IQCH: variants seen among roughly 807,000 people sequenced by gnomAD.
IQCH encodes IQ domain-containing protein H.
IQCH carries 98 observed loss-of-function variants against 117.0 expected under a neutral mutation model. That is an observed-to-expected ratio of 0.84 (90% confidence interval 0.71 to 0.99). The LOEUF (loss-of-function observed/expected upper bound fraction) is 0.99, where lower values mean the gene tolerates loss of function less well. Among genes scored for constraint, IQCH ranks in the 50% least tolerant of loss-of-function variants. The pLI is 0.00. For missense variants in IQCH, 1,102 were observed against 1,243.8 expected, an observed-to-expected ratio of 0.89 and a Z score of 1.72; for synonymous variants, 412 against 448.2, an observed-to-expected ratio of 0.92 and a Z score of 1.02.
intron 6 of IQCH, among the ~76,000 whole-genome samples, chr15:67,350,202 T>A (rs1969594234): frequency 1.3e-5 from 2 of 152,128 alleles, no homozygotes; most frequent in African/African-American, 2.4e-5. Flanking sequence ...AGGAACTAAT[T>A]GCTGATACAT....
At chr15:67,452,753 T>G (rs1361049448) in intron 16 of IQCH, among the ~76,000 whole-genome samples, 1 of 152,252 alleles carries the variant, frequency 6.6e-6, no homozygotes. Context: ...CTGTATTTCC[T>G]GAATTTGAAT....
intron 4 of IQCH, among the ~76,000 whole-genome samples, chr15:67,303,455 C>T (rs891068737): frequency 6.6e-6 from 1 of 152,210 alleles, no homozygotes; most frequent in African/African-American, 2.4e-5. Flanking sequence ...TTTTTAAAAT[C>T]ACAAAAGACT....
chr15:67,357,351 T>C lies in IQCH; in HGVS notation c.644T>C (p.Phe215Ser). 1 of 1,605,912 alleles carries C rather than the reference T, an allele frequency of 6.2e-7. No homozygotes were observed. The highest frequency in any genetic ancestry group is 8.5e-7 in the Non-Finnish European group (1 of 1,172,450). Residue 215 changes from phenylalanine to serine, a missense_variant, in exon 7 of 21, where the codon TTC (phenylalanine) becomes TCC (serine). Phe to Ser is a radical substitution (Grantham distance 155). Around this residue, in one of 2 missense-constraint regions of IQCH, gnomAD observed 452 missense variants for 449.6 expected, o/e 1.01. Coordinates refer to ENST00000335894, the MANE Select transcript of IQCH (RefSeq NM_001031715.3). Reference protein sequence around the residue: ...EARKIPTVATFTIPREPPPSP... With the variant: ...EARKIPTVATSTIPREPPPSP... ...GTACTATCTTCATCCACAGCCACTTTCACTATACCTCGGGAACCACCTCCA... is the reference window on the plus strand; with the variant it reads ...GTACTATCTTCATCCACAGCCACTTCCACTATACCTCGGGAACCACCTCCA...
chr15:67,389,490 T>A (rs1299891838), intron 12 of IQCH, among the ~76,000 whole-genome samples: 1 of 152,078 alleles, frequency 6.6e-6, no homozygotes, highest in Admixed American at 6.6e-5. Flanking sequence ...TTTTTTTTTT[T>A]AATTGGGCTG....
At chr15:67,279,246 T>C (rs1966250749) in intron 3 of IQCH, 149 bp from the exon 4 acceptor site, 1 of 557,946 alleles carries the variant, frequency 1.8e-6, no homozygotes, top group Non-Finnish European at 3.2e-6. Flanking sequence ...GTGGCAAAAA[T>C]AATAAAGATT....
rs1172755398 is a variant in IQCH, at chr15:67,401,473, C to G, written c.2097+1168C>G. Among the ~76,000 whole-genome samples the G allele has an allele frequency of 6.6e-6, 1 of 152,176 alleles. No individual in the cohort carries two copies. Among genetic ancestry groups the G allele is most frequent in the African/African-American group, 2.4e-5 (1 of 41,442 alleles). On this transcript the variant is annotated intron_variant, in intron 14 of 20. Transcript: ENST00000335894. This position sits in a 1 kb window ranked among gnomAD's most constrained non-coding sequence, Gnocchi z 4.7. ...GTTCCTTCCCTACCAGCATACATAG[C>G]AGTGGGCTATGCAAAGTGATTTGCG... is the stretch of plus-strand genomic sequence containing the variant.
intron 6 of IQCH, among the ~76,000 whole-genome samples, chr15:67,350,701 C>T (rs1298571633): frequency 1.3e-5 from 2 of 152,164 alleles, no homozygotes; most frequent in Non-Finnish European, 2.9e-5. Context: ...GCTGGGATTA[C>T]AGGTGTGAGC....
intron 15 of IQCH, among the ~76,000 whole-genome samples, chr15:67,420,235 T>A (rs2081696906): frequency 6.6e-6 from 1 of 152,204 alleles, no homozygotes; most frequent in South Asian, 2.1e-4. Flanking sequence ...TTTATAGACA[T>A]TTAAGGAAAG....
chr15:67,292,535 A>T (rs1966787128), intron 4 of IQCH, among the ~76,000 whole-genome samples: 1 of 152,124 alleles, frequency 6.6e-6, no homozygotes, highest in Admixed American at 6.6e-5. Flanking sequence ...TTACAGGGGT[A>T]AGCCAGCTCC....
rs1253486696 is a variant in IQCH at position 67,472,435 on chromosome 15, CTG to C, written c.2677-3257_2677-3256del. ...GAATAGGAGGATGACACAGACCAAC[CTG>C]TGTTAGGGGGAAATGATTAATCCGG... On this transcript the variant is annotated intron_variant, in intron 17 of 20. Coordinates refer to ENST00000335894, the MANE Select transcript of IQCH (RefSeq NM_001031715.3). This position sits in a 1 kb window ranked among gnomAD's most constrained non-coding sequence, Gnocchi z 4.3. 6.6e-6 allele frequency among the ~76,000 whole-genome samples: 1 copy of C among 152,084 alleles called. No individual in the cohort carries two copies. The highest frequency in any genetic ancestry group is 1.5e-5 in the Non-Finnish European group (1 of 68,006).
At chr15:67,428,947 C>T (rs2081957853) in intron 16 of IQCH, among the ~76,000 whole-genome samples, 1 of 151,874 alleles carries the variant, frequency 6.6e-6, no homozygotes, top group Admixed American at 6.6e-5. Flanking sequence ...AGGAAGGGAC[C>T]ATGAGCCAAT....
intron 4 of IQCH, among the ~76,000 whole-genome samples, chr15:67,310,402 C>T (rs755194449): frequency 1.4e-4 from 21 of 152,022 alleles, no homozygotes; most frequent in Non-Finnish European, 2.4e-4. Context: ...AAATTCAGAT[C>T]TGCTCATATA....
intron 3 of IQCH, among the ~76,000 whole-genome samples, chr15:67,267,604 A>G (rs1430463231): frequency 1.3e-5 from 2 of 152,218 alleles, no homozygotes; most frequent in African/African-American, 4.8e-5. Context: ...AGGAACTGCC[A>G]ATGCCTGCTC....
At chr15:67,276,297 T>C (rs1163945788) in intron 3 of IQCH, among the ~76,000 whole-genome samples, 1 of 152,216 alleles carries the variant, frequency 6.6e-6, no homozygotes, top group Non-Finnish European at 1.5e-5. Context: ...CTTTTATGCC[T>C]CCTGCTAAGT....
rs767022996 is a variant in IQCH at position 67,261,268 on chromosome 15, A to G, written c.52-4A>G. 2.6e-6 allele frequency: 4 copies of G among 1,520,642 alleles called. No individual in the cohort carries two copies. The highest frequency in any genetic ancestry group is 4.5e-5 in the Admixed American group (2 of 44,606). The allele number at this position is 1,520,642 out of a possible 1,614,324, so 94.2% of individuals were successfully genotyped here. A position where few individuals can be genotyped will look rare whatever the true frequency, so the allele number is the denominator to read the frequency against. ...TCAATATTTTTCATTTTTTATACCT[A>G]TAGATCCATGAAGACCTTTATCAGT... On this transcript the variant is annotated splice_polypyrimidine_tract_variant and splice_region_variant and intron_variant, in intron 1 of 20. Coordinates refer to ENST00000335894, the MANE Select transcript of IQCH (RefSeq NM_001031715.3).
intron 16 of IQCH, among the ~76,000 whole-genome samples, chr15:67,439,908 A>G (rs2082226726): frequency 1.3e-5 from 2 of 148,432 alleles, no homozygotes; most frequent in Non-Finnish European, 3.0e-5. Context: ...AAAAAAAAAT[A>G]CAAACGATAA....
chr15:67,471,169 T>C (rs891411145), intron 17 of IQCH, among the ~76,000 whole-genome samples: 1 of 152,198 alleles, frequency 6.6e-6, no homozygotes, highest in African/African-American at 2.4e-5. Flanking sequence ...ATGAATAACT[T>C]TGTGTATATA....
In IQCH at chr15:67,426,040, G is replaced by A. The variant is rs2081881688; in HGVS notation, c.2505+4463G>A. On this transcript the variant is annotated intron_variant, in intron 16 of 20. Transcript: ENST00000335894. This position sits in a 1 kb window ranked among gnomAD's most constrained non-coding sequence, Gnocchi z 5.1. ...TTTTGACATGTCCTCATCATTCTTT[G>A]AGCATGTCTTACTTTCTGACACAAT... Among the ~76,000 whole-genome samples the A allele has an allele frequency of 6.6e-6, 1 of 152,120 alleles. No individual in the cohort carries two copies. The highest frequency in any genetic ancestry group is 6.6e-5 in the Admixed American group (1 of 15,260).
rs1386035747 is a variant in IQCH at position 67,476,979 on chromosome 15, C to T, written c.2799+1161C>T. ...AGTTCTACATTTATTAACTTATATT[C>T]TTTATACTTGAGACCAGTACAATTT... On this transcript the variant is annotated intron_variant, in intron 18 of 20. Coordinates refer to ENST00000335894, the MANE Select transcript of IQCH (RefSeq NM_001031715.3). This position sits in a 1 kb window ranked among gnomAD's most constrained non-coding sequence, Gnocchi z 4.1. Among the ~76,000 whole-genome samples, 1 of 148,230 alleles carries T rather than the reference C, an allele frequency of 6.7e-6. No individual in the cohort carries two copies. Among genetic ancestry groups the T allele is most frequent in the African/African-American group, 2.5e-5 (1 of 40,264 alleles).
Sources: allele counts gnomAD v4.1 joint callset (sites outside exome capture counted in the v4.1 genomes callset), GRCh38; gene constraint gnomAD v4.1.1; regional missense constraint gnomAD v4.1.1; non-coding constraint Gnocchi (gnomAD v3.1); transcripts MANE v1.5; gene names NCBI Gene and HGNC (gene_info 2026-07-23, HGNC 2026-07-21).